The following SYNJ2BP variants were observed in gnomAD, a reference collection of about 807,000 sequenced individuals.
The protein encoded by SYNJ2BP is synaptojanin 2 binding protein, also known as synaptojanin-2-binding protein.
SYNJ2BP carries 10 observed loss-of-function variants against 16.9 expected under a neutral mutation model. The observed-to-expected ratio is 0.59, with a 90% CI of 0.36 to 1.00. The LOEUF is 1.00. SYNJ2BP is among the 50% of genes least tolerant of loss of function. The probability of loss-of-function intolerance (pLI) is 0.01; values close to 1 mark genes in which losing one functional copy is unlikely to be tolerated. For missense variants in SYNJ2BP, 162 were observed against 186.7 expected (o/e 0.87, Z 0.77); for synonymous variants, 54 against 68.4 (o/e 0.79, Z 1.04).
At chr14:70,387,771 CGGT>C (rs970024566) in intron 2 of SYNJ2BP, among the ~76,000 whole-genome samples, 3 of 148,342 alleles carry the variant, frequency 2.0e-5, no homozygotes, top group African/African-American at 7.5e-5. Flanking sequence ...GCAGAGGTTG[CGGT>C]GAGCCAAGAT....
At position 70,417,068 on chromosome 14, in the gene SYNJ2BP, A is replaced by C. The variant is rs1888631275; in HGVS notation, c.-105T>G. ...CCCACAGCACAGCGGTTTCGGTTTC[A>C]GCAGCCTCGAGACCCGGAAAAGGAA... On this transcript the variant is annotated 5_prime_UTR_variant, in exon 1 of 4. Transcript: ENST00000256366. 3 of 1,558,978 alleles carry C rather than the reference A, an allele frequency of 1.9e-6. No homozygotes were observed. The highest frequency in any genetic ancestry group is 2.6e-6 in the Non-Finnish European group (3 of 1,142,290).
intron 1 of SYNJ2BP, among the ~76,000 whole-genome samples, chr14:70,401,429 A>G (rs1888232972): frequency 6.6e-6 from 1 of 151,994 alleles, no homozygotes; most frequent in Non-Finnish European, 1.5e-5. Flanking sequence ...TTTTTAATAA[A>G]AGAAAAAAAG....
At chr14:70,379,936 G>A (rs1887711545) in intron 2 of SYNJ2BP, among the ~76,000 whole-genome samples, 1 of 152,164 alleles carries the variant, frequency 6.6e-6, no homozygotes, top group South Asian at 2.1e-4. Flanking sequence ...TGAGATAACT[G>A]GGTCACTATA....
chr14:70,393,981 G>T (rs200696033), intron 1 of SYNJ2BP, among the ~76,000 whole-genome samples: 2 of 100,328 alleles, frequency 2.0e-5, no homozygotes, highest in African/African-American at 3.8e-5. Context: ...AAAAAAAAAA[G>T]ATTTGAAACC....
At chr14:70,377,980 GA>G (rs1254493549) in intron 2 of SYNJ2BP, among the ~76,000 whole-genome samples, 1 of 152,212 alleles carries the variant, frequency 6.6e-6, no homozygotes, top group East Asian at 1.9e-4. Flanking sequence ...TAGAAGGGAA[GA>G]ACATGTTTTT....
rs76216008 is a variant in SYNJ2BP, at chr14:70,369,331, G to A, written c.*3660C>T. 4 of 152,198 alleles carry A rather than the reference G, an allele frequency of 2.6e-5. No homozygotes were observed. The highest frequency in any genetic ancestry group is 4.4e-5 in the Non-Finnish European group (3 of 68,078). The allele number at this position is 152,198 out of a possible 1,614,324, so 9.4% of individuals were successfully genotyped here. A position where few individuals can be genotyped will look rare whatever the true frequency, so the allele number is the denominator to read the frequency against. ...CTGGTCTCAAAACTCCTGAGCTCAA[G>A]TGACCCACCTGCCTAGGCCTCCTAG... On this transcript the variant is annotated 3_prime_UTR_variant, in exon 4 of 4. Coordinates refer to ENST00000256366, the MANE Select transcript of SYNJ2BP (RefSeq NM_018373.3).
intron 2 of SYNJ2BP, among the ~76,000 whole-genome samples, chr14:70,385,130 C>G (rs1887832373): frequency 2.0e-5 from 3 of 152,056 alleles, no homozygotes; most frequent in African/African-American, 7.2e-5. Context: ...TAGACATCTA[C>G]TTTTCTCTTC....
rs201251935 is a variant in SYNJ2BP at position 70,395,305 on chromosome 14, C to T, written c.65-6699G>A. 3.9e-5 allele frequency among the ~76,000 whole-genome samples: 6 copies of T among 152,326 alleles called. No homozygotes were observed. In the East Asian group the frequency reaches 1.2e-3, roughly 29 times the overall value. ...TGTTAACCTGTTATTCTAGAAATAACAATTCTGGACATAATTAAAATGAAA... is the reference window on the plus strand; with the variant it reads ...TGTTAACCTGTTATTCTAGAAATAATAATTCTGGACATAATTAAAATGAAA... On this transcript the variant is annotated intron_variant, in intron 1 of 3. Transcript: ENST00000256366.
At chr14:70,387,068 C>CCCTA (rs2140830829) in intron 2 of SYNJ2BP, among the ~76,000 whole-genome samples, 1 of 152,222 alleles carries the variant, frequency 6.6e-6, no homozygotes, top group East Asian at 1.9e-4. Flanking sequence ...GGCTCCGAAG[C>CCCTA]CCTATCCTAT....
At chr14:70,415,544 C>G (rs1888586006) in intron 1 of SYNJ2BP, among the ~76,000 whole-genome samples, 1 of 144,768 alleles carries the variant, frequency 6.9e-6, no homozygotes, top group East Asian at 2.0e-4. Flanking sequence ...GAGTGAGACC[C>G]TGTCTCAAAA....
At chr14:70,387,045 CT>C (rs1296746696) in intron 2 of SYNJ2BP, among the ~76,000 whole-genome samples, 1 of 152,144 alleles carries the variant, frequency 6.6e-6, no homozygotes, top group Non-Finnish European at 1.5e-5. Flanking sequence ...TATGGCCCAT[CT>C]GGAGAGGATA....
rs1887547016 is a variant in SYNJ2BP at position 70,372,943 on chromosome 14, G to A, written c.*48C>T. The A allele has an allele frequency of 6.2e-7, 1 of 1,607,998 alleles. No individual in the cohort carries two copies. The highest frequency in any genetic ancestry group is 8.5e-7 in the Non-Finnish European group (1 of 1,177,800). ...CATGGCAGAATAGCAGGGGTGGAGG[G>A]TGAGTGAAATGTATCTTCATTGGGA... On this transcript the variant is annotated 3_prime_UTR_variant, in exon 4 of 4. Transcript: ENST00000256366.
In SYNJ2BP at chr14:70,370,091, C is replaced by T. The variant is rs1484108644; in HGVS notation, c.*2900G>A. On this transcript the variant is annotated 3_prime_UTR_variant, in exon 4 of 4. Coordinates refer to ENST00000256366, the MANE Select transcript of SYNJ2BP (RefSeq NM_018373.3). ...AATGCTACTTAATTTCTGAGAAAAC[C>T]TAAGTTATAAGAGTACATCAGAATC... 1 of 152,096 alleles carries T rather than the reference C, an allele frequency of 6.6e-6. No individual in the cohort carries two copies. Among genetic ancestry groups the T allele is most frequent in the Non-Finnish European group, 1.5e-5 (1 of 68,022 alleles). The allele number at this position is 152,096 out of a possible 1,614,324, so 9.4% of individuals were successfully genotyped here.
At chr14:70,379,251 A>G (rs544293328) in intron 2 of SYNJ2BP, among the ~76,000 whole-genome samples, 1 of 152,332 alleles carries the variant, frequency 6.6e-6, no homozygotes, top group East Asian at 1.9e-4. Flanking sequence ...CAATTCTGTT[A>G]CTACCACTTT....
intron 1 of SYNJ2BP, among the ~76,000 whole-genome samples, chr14:70,401,411 T>C (rs1293440655): frequency 6.6e-6 from 1 of 151,820 alleles, no homozygotes; most frequent in Non-Finnish European, 1.5e-5. Flanking sequence ...GCCTGGGCAA[T>C]GTATTTTTTT....
At chr14:70,413,624 T>C (rs993781873) in intron 1 of SYNJ2BP, among the ~76,000 whole-genome samples, 2 of 152,120 alleles carry the variant, frequency 1.3e-5, no homozygotes, top group African/African-American at 4.8e-5. Flanking sequence ...GGTGACAGAG[T>C]GAGACGCGTC....
In SYNJ2BP at chr14:70,366,819, T is replaced by A. The variant is rs180987174; in HGVS notation, c.*6172A>T. On this transcript the variant is annotated 3_prime_UTR_variant, in exon 4 of 4. Coordinates refer to ENST00000256366, the MANE Select transcript of SYNJ2BP (RefSeq NM_018373.3). ...AGGAAGCAAAACAAAACAGGGTTCA[T>A]GAGGAAAATAATCTTCTAAGAACTA... 3 of 152,278 alleles carry A rather than the reference T, an allele frequency of 2.0e-5. No individual in the cohort carries two copies. The highest frequency in any genetic ancestry group is 2.0e-4 in the Admixed American group (3 of 15,298). 9.4% of individuals were successfully genotyped at this position (152,278 alleles called of 1,614,324 possible).
chr14:70,387,399 A>G (rs1887882068), intron 2 of SYNJ2BP, among the ~76,000 whole-genome samples: 1 of 152,192 alleles, frequency 6.6e-6, no homozygotes, highest in South Asian at 2.1e-4. Context: ...TTTTGACTGT[A>G]TGCTTGTTCT....
At chr14:70,413,419 ACT>A (rs1431605089) in intron 1 of SYNJ2BP, among the ~76,000 whole-genome samples, 2 of 152,218 alleles carry the variant, frequency 1.3e-5, no homozygotes, top group African/African-American at 4.8e-5. Context: ...CAGGTGGATC[ACT>A]TGAGGTCAGG....
Sources: gnomAD v4.1 joint callset for allele counts (sites outside exome capture counted in the v4.1 genomes callset) on GRCh38, gnomAD v4.1.1 for gene constraint, MANE v1.5 for transcripts, NCBI Gene and HGNC (gene_info 2026-07-23, HGNC 2026-07-21) for gene names.